The following PCDHGA3 variants were observed in gnomAD, a reference collection of about 807,000 sequenced individuals.
The protein encoded by PCDHGA3 is protocadherin gamma subfamily A, 3.
PCDHGA3 carries 40 observed loss-of-function variants against 58.5 expected under a neutral mutation model. The ratio of observed to expected loss-of-function variants is 0.68; its 90% confidence interval spans 0.53 to 0.89. The LOEUF is 0.89. PCDHGA3 is among the 40% of genes least tolerant of loss of function. The probability of loss-of-function intolerance (pLI) is 0.00; values close to 1 mark genes in which losing one functional copy is unlikely to be tolerated. For synonymous variants in PCDHGA3, 530 were observed against 525.7 expected (o/e 1.01, Z -0.11); for missense variants, 1,223 against 1,195.9 (o/e 1.02, Z -0.33).
chr5:141,361,222 G>A, intron 1 of PCDHGA3: 1 of 1,613,958 alleles, frequency 6.2e-7, no homozygotes, highest in Non-Finnish European at 8.5e-7. Flanking sequence ...TTCGCCACCA[G>A]GAACAGTGAT....
rs755130135 is a variant in PCDHGA3 at position 141,431,477 on chromosome 5, C to A, written c.2425-63330C>A. On this transcript the variant is annotated intron_variant, in intron 1 of 3. Coordinates refer to ENST00000253812, the MANE Select transcript of PCDHGA3 (RefSeq NM_018916.4). The surrounding 1 kb of genome is among the most constrained non-coding windows in gnomAD (Gnocchi z 4.8). ...GGTTCTGGATGCGAACGACAACGCA[C>A]CAGCGTTTGCTCAGCCCGAGTACCG... is the stretch of plus-strand genomic sequence containing the variant. 40 of 1,613,768 alleles carry A rather than the reference C, an allele frequency of 2.5e-5. No individual in the cohort carries two copies. The highest frequency in any genetic ancestry group is 3.3e-5 in the Admixed American group (2 of 60,008).
chr5:141,434,277 A>G (rs760937958), intron 1 of PCDHGA3, among the ~76,000 whole-genome samples: 4 of 152,172 alleles, frequency 2.6e-5, no homozygotes, highest in Non-Finnish European at 4.4e-5. Flanking sequence ...AATTAGAGGT[A>G]TTCTCTGTTT....
At chr5:141,391,561 G>T (rs2092390304) in intron 1 of PCDHGA3, 2 of 152,026 alleles carry the variant, frequency 1.3e-5, no homozygotes. Flanking sequence ...TTTTCCATAT[G>T]CATAAGAAAA....
At chr5:141,411,578 T>C (rs892738350) in intron 1 of PCDHGA3, 10 of 152,194 alleles carry the variant, frequency 6.6e-5, no homozygotes, top group African/African-American at 2.4e-4. Flanking sequence ...AGTGCGACCC[T>C]GTCTCTAAAA....
At chr5:141,501,402 G>A (rs527659990) in intron 2 of PCDHGA3, among the ~76,000 whole-genome samples, 5 of 151,740 alleles carry the variant, frequency 3.3e-5, no homozygotes, top group Non-Finnish European at 7.4e-5. Flanking sequence ...ACAGGCCACT[G>A]CTTGGAAAAT....
chr5:141,438,615 TATATATATATATATATATATAC>T (rs1275224820), intron 1 of PCDHGA3, among the ~76,000 whole-genome samples: 95 of 35,914 alleles, frequency 2.6e-3, no homozygotes, highest in East Asian at 8.4e-3. Flanking sequence ...TATATATATA[TATATATATATATATATATATAC>T]ACACACACAC....
intron 1 of PCDHGA3, chr5:141,365,500 G>A (rs751033345): frequency 6.2e-7 from 1 of 1,613,898 alleles, no homozygotes; most frequent in Non-Finnish European, 8.5e-7. Context: ...CTAGGAATTT[G>A]CCTTTTAAAT....
At chr5:141,387,439 A>G (rs1437445923) in intron 1 of PCDHGA3, among the ~76,000 whole-genome samples, 2 of 152,248 alleles carry the variant, frequency 1.3e-5, no homozygotes, top group African/African-American at 4.8e-5. Context: ...TTATGTACTT[A>G]ATCTACATGA....
intron 1 of PCDHGA3, chr5:141,356,333 G>GA: frequency 6.4e-7 from 1 of 1,554,488 alleles, no homozygotes; most frequent in African/African-American, 1.4e-5. Flanking sequence ...GACTCAGGAG[G>GA]AAATGGCCTA....
Position 141,384,048 on chromosome 5 carries a change from C to A in PCDHGA3, c.2424+37591C>A, listed in dbSNP as rs111794989. 4,325 of 1,611,882 alleles carry A rather than the reference C, an allele frequency of 2.7e-3. 15 individuals carry two copies. Among genetic ancestry groups the A allele is most frequent in the Admixed American group, 9.3e-3 (555 of 59,694 alleles). ...ATTCTGGAAAGAATGGTGAGGTGACCTGCACCATTCCAGAAAACCTACCTT... is the reference window on the plus strand; with the variant it reads ...ATTCTGGAAAGAATGGTGAGGTGACATGCACCATTCCAGAAAACCTACCTT... On this transcript the variant is annotated intron_variant, in intron 1 of 3. Transcript: ENST00000253812.
intron 1 of PCDHGA3, chr5:141,413,736 G>C: frequency 6.2e-7 from 1 of 1,613,452 alleles, no homozygotes; most frequent in South Asian, 1.1e-5. Context: ...TAAGAGTTCA[G>C]AGCCGTGCCA....
chr5:141,346,164 C>T lies in PCDHGA3; in HGVS notation c.2131C>T (p.Leu711=), dbSNP rs559748753. ...SCVFLAFVIV[L]LALRLRRWHK... is the part of the protein sequence containing the mutation. Reference sequence around the variant, plus strand: ...CGTCTTCCTGGCCTTCGTCATCGTGCTGCTGGCGCTCAGGCTGCGGCGCTG... The same window carrying T: ...CGTCTTCCTGGCCTTCGTCATCGTGTTGCTGGCGCTCAGGCTGCGGCGCTG... Residue 711 remains leucine, a synonymous_variant, in exon 1 of 4, where the codon CTG becomes TTG. Transcript: ENST00000253812. 3.5e-5 allele frequency: 57 copies of T among 1,614,032 alleles called. 1 individual carries two copies. The highest frequency in any genetic ancestry group is 6.7e-5 in the East Asian group (3 of 44,868).
chr5:141,357,246 A>G, intron 1 of PCDHGA3: 1 of 1,613,736 alleles, frequency 6.2e-7, no homozygotes, highest in Non-Finnish European at 8.5e-7. Flanking sequence ...AGCCTTCAGC[A>G]GACCCAGACG....
Position 141,346,474 on chromosome 5 carries a change from C to A in PCDHGA3, c.2424+17C>A, listed in dbSNP as rs2149740924. 1.9e-6 allele frequency: 3 copies of A among 1,613,596 alleles called. No individual in the cohort carries two copies. The highest frequency in any genetic ancestry group is 4.5e-5 in the East Asian group (2 of 44,876). On this transcript the variant is annotated intron_variant, in intron 1 of 3. Coordinates refer to ENST00000253812, the MANE Select transcript of PCDHGA3 (RefSeq NM_018916.4). ...CTACTTCAGGTGAGTTTATTTATTT[C>A]TTTGATTATTAAGAACAAATATGAG...
chr5:141,374,178 G>C (rs1268452204), intron 1 of PCDHGA3: 2 of 1,613,614 alleles, frequency 1.2e-6, no homozygotes, highest in East Asian at 2.2e-5. Flanking sequence ...GCGCAGATCC[G>C]CTACTCTATT....
In PCDHGA3 at chr5:141,477,815, G is replaced by C; in HGVS notation, c.2425-16992G>C. On this transcript the variant is annotated intron_variant, in intron 1 of 3. Coordinates refer to ENST00000253812, the MANE Select transcript of PCDHGA3 (RefSeq NM_018916.4). The surrounding 1 kb of genome is among the most constrained non-coding windows in gnomAD (Gnocchi z 4.9). ...TGATCGCAATGACAATGCCCCCCAG[G>C]TCCTATATCCTCGGCCAGGTGGGAG... 1 of 1,614,106 alleles carries C rather than the reference G, an allele frequency of 6.2e-7. No homozygotes were observed. Among genetic ancestry groups the C allele is most frequent in the Non-Finnish European group, 8.5e-7 (1 of 1,180,034 alleles).
Position 141,431,804 on chromosome 5 carries a change from C to G in PCDHGA3, c.2425-63003C>G. On this transcript the variant is annotated intron_variant, in intron 1 of 3. Transcript: ENST00000253812. This position sits in a 1 kb window ranked among gnomAD's most constrained non-coding sequence, Gnocchi z 4.8. Reference sequence around the variant, plus strand: ...GAACGACAATGCCCCAGAAGTGGTCCTCACCTCTCTCGCCAGCTCGGTTCC... The same window carrying G: ...GAACGACAATGCCCCAGAAGTGGTCGTCACCTCTCTCGCCAGCTCGGTTCC... 6.2e-7 allele frequency: 1 copy of G among 1,614,232 alleles called. No homozygotes were observed. The highest frequency in any genetic ancestry group is 1.3e-5 in the African/African-American group (1 of 75,056).
Position 141,355,906 on chromosome 5 carries a change from A to G in PCDHGA3, c.2424+9449A>G. ...GATTCTCATAATACTTGTGGATACC[A>G]ACGATAATGCTCCCGTGTTCACTCA... On this transcript the variant is annotated intron_variant, in intron 1 of 3. Coordinates refer to ENST00000253812, the MANE Select transcript of PCDHGA3 (RefSeq NM_018916.4). The G allele has an allele frequency of 4.3e-6, 7 of 1,613,782 alleles. No individual in the cohort carries two copies. The highest frequency in any genetic ancestry group is 5.9e-6 in the Non-Finnish European group (7 of 1,179,850).
At chr5:141,413,177 T>G (rs2095610843) in intron 1 of PCDHGA3, 4 of 1,602,350 alleles carry the variant, frequency 2.5e-6, no homozygotes, top group Non-Finnish European at 3.4e-6. Flanking sequence ...CAGACTACAA[T>G]GGCCGCTCAA....
Sources: allele counts gnomAD v4.1 joint callset (sites outside exome capture counted in the v4.1 genomes callset), GRCh38; gene constraint gnomAD v4.1.1; non-coding constraint Gnocchi (gnomAD v3.1); transcripts MANE v1.5; gene names NCBI Gene and HGNC (gene_info 2026-07-23, HGNC 2026-07-21).